The following WDR33 variants were observed in gnomAD, a reference collection of about 807,000 sequenced individuals.
WDR33 encodes WD repeat domain 33.
A neutral mutation model predicts 164.9 loss-of-function variants in WDR33; 47 were observed. The ratio of observed to expected loss-of-function variants is 0.29; its 90% CI spans 0.23 to 0.36. WDR33 has a LOEUF of 0.36. Ranked by LOEUF, WDR33 falls within the 10% of genes least tolerant of loss-of-function variation. WDR33 has a pLI of 1.00. For missense variants in WDR33, 1,137 were observed against 1,754.1 expected, an observed-to-expected ratio of 0.65 and a Z score of 6.28; for synonymous variants, 505 against 589.0, an observed-to-expected ratio of 0.86 and a Z score of 2.06.
intron 4 of WDR33, among the ~76,000 whole-genome samples, chr2:127,766,947 C>G (rs548358981): frequency 2.0e-5 from 3 of 152,036 alleles, no homozygotes; most frequent in African/African-American, 7.2e-5. Flanking sequence ...TTAGTAAACA[C>G]GAGGTTTCAT....
Position 127,726,620 on chromosome 2 carries a change from C to A in WDR33, c.851+31G>T, listed in dbSNP as rs1399933072. The A allele has an allele frequency of 4.3e-6, 7 of 1,611,408 alleles. No homozygotes were observed. Among genetic ancestry groups the A allele is most frequent in the Non-Finnish European group, 5.9e-6 (7 of 1,178,782 alleles). On this transcript the variant is annotated intron_variant, in intron 8 of 21. Transcript: ENST00000322313. This position sits in a 1 kb window ranked among gnomAD's most constrained non-coding sequence, Gnocchi z 4.8. ...ACACACTGCTTTGCTCCCCTTTGTT[C>A]AGGGGCCAAGGTGGGGTTCCTGTCA...
intron 1 of WDR33, among the ~76,000 whole-genome samples, chr2:127,774,048 CTTTTTTTTTTTT>C (rs776082351): frequency 3.6e-5 from 4 of 110,788 alleles, no homozygotes; most frequent in Non-Finnish European, 7.4e-5. Flanking sequence ...GCCCAAAAGC[CTTTTTTTTTTTT>C]TTTTTTTTTA....
rs1452639903 is a variant in WDR33, at chr2:127,717,174, T to C, written c.2850A>G (p.Gln950=). Residue 950 remains glutamine, a synonymous_variant, in exon 17 of 22, where the codon CAA becomes CAG. Transcript: ENST00000322313. The surrounding 1 kb of genome is among the most constrained non-coding windows in gnomAD (Gnocchi z 5.6). ...ATTTACCTTTGTTGGGGCCAGGTCC[T>C]TGTCCGGGGTTCAGAGGGGGAATGC... The part of the protein sequence containing the change: ...QGRIPPLNPG[Q]GPGPNKGDSR... 2 of 1,606,760 alleles carry C rather than the reference T, an allele frequency of 1.2e-6. No homozygotes were observed. The highest frequency in any genetic ancestry group is 1.7e-6 in the Non-Finnish European group (2 of 1,176,156).
chr2:127,736,585 T>C, intron 7 of WDR33: 1 of 985,462 alleles, frequency 1.0e-6, no homozygotes, highest in Non-Finnish European at 1.2e-6. Context: ...TGGTTTCTAT[T>C]GATTTGTACC....
At chr2:127,742,744 C>A (rs1687054231) in intron 7 of WDR33, among the ~76,000 whole-genome samples, 1 of 147,392 alleles carries the variant, frequency 6.8e-6, no homozygotes. Context: ...CAAGCAAAGA[C>A]AATGGAAACA....
intron 7 of WDR33, among the ~76,000 whole-genome samples, chr2:127,746,254 A>G (rs1687165326): frequency 6.6e-6 from 1 of 152,094 alleles, no homozygotes; most frequent in Non-Finnish European, 1.5e-5. Flanking sequence ...AACTTTATCA[A>G]TCACACTTCT....
At chr2:127,758,107 T>C (rs1463563051) in intron 7 of WDR33, among the ~76,000 whole-genome samples, 8 of 152,328 alleles carry the variant, frequency 5.3e-5, no homozygotes, top group African/African-American at 1.9e-4. Flanking sequence ...ATGTGTAGTG[T>C]GAACCAATAG....
rs990413208 is a variant in WDR33, at chr2:127,712,929, A to AT, written c.3308+653dup. 6.6e-6 allele frequency among the ~76,000 whole-genome samples: 1 copy of AT among 151,974 alleles called. No individual in the cohort carries two copies. ...ACCACCAAACCCAGCTAATTAAAAAATTTTTTTTGTAGAGATGGAGTTACA... is the reference window on the plus strand; with the variant it reads ...ACCACCAAACCCAGCTAATTAAAAAATTTTTTTTTGTAGAGATGGAGTTACA... On this transcript the variant is annotated intron_variant, in intron 18 of 21. Coordinates refer to ENST00000322313, the MANE Select transcript of WDR33 (RefSeq NM_018383.5). The surrounding 1 kb of genome is among the most constrained non-coding windows in gnomAD (Gnocchi z 4.0).
intron 1 of WDR33, among the ~76,000 whole-genome samples, chr2:127,779,103 A>C (rs1299700823): frequency 1.3e-5 from 2 of 152,048 alleles, no homozygotes; most frequent in African/African-American, 4.8e-5. Context: ...TCTTTAAACC[A>C]GAAATCACAT....
At chr2:127,807,086 C>A (rs551934032) in intron 1 of WDR33, among the ~76,000 whole-genome samples, 6 of 152,240 alleles carry the variant, frequency 3.9e-5, no homozygotes, top group African/African-American at 1.2e-4. Flanking sequence ...CTCACTGCAA[C>A]CTCCGCCTCC....
At chr2:127,807,853 A>G (rs952654473) in intron 1 of WDR33, among the ~76,000 whole-genome samples, 1 of 152,172 alleles carries the variant, frequency 6.6e-6, no homozygotes, top group African/African-American at 2.4e-5. Context: ...GACTCCCAAG[A>G]CTTTGAAAGG....
Position 127,721,950 on chromosome 2 carries a change from A to C in WDR33, c.1557T>G (p.Asn519Lys), listed in dbSNP as rs1686451650. The C allele has an allele frequency of 6.2e-7, 1 of 1,613,330 alleles. No individual in the cohort carries two copies. Among genetic ancestry groups the C allele is most frequent in the African/African-American group, 1.3e-5 (1 of 74,914 alleles). Residue 519 changes from asparagine to lysine, a missense_variant, in exon 15 of 22, where the codon AAT becomes AAG. Around this residue, in one of 9 missense-constraint regions of WDR33, gnomAD observed 75 missense variants for 124.7 expected, o/e 0.60. Transcript: ENST00000322313. This position sits in a 1 kb window ranked among gnomAD's most constrained non-coding sequence, Gnocchi z 4.9. ...MQNKVPIPAPNEVLNDRKEDI... is the reference protein window; with the variant it reads ...MQNKVPIPAPKEVLNDRKEDI... ...CTTCTTTTCTGTCATTCAGCACCTC[A>C]TTTGGAGCAGGAATTGGAACTTTAT... is the stretch of plus-strand genomic sequence containing the variant.
intron 18 of WDR33, among the ~76,000 whole-genome samples, chr2:127,711,778 A>ATTTTTTTTTTT (rs1375261650): frequency 4.3e-5 from 4 of 93,038 alleles, no homozygotes; most frequent in African/African-American, 1.2e-4. Context: ...ATATATATAT[A>ATTTTTTTTTTT]TATTTTTTTT....
Position 127,717,436 on chromosome 2 carries a change from T to A in WDR33, c.2761-173A>T, listed in dbSNP as rs1686328881. Reference sequence around the variant, plus strand: ...GGAGATACTTCTTTTACTATAATAATTTTTTTAAAGCACCTGTATTTTAAA... The same window carrying A: ...GGAGATACTTCTTTTACTATAATAAATTTTTTAAAGCACCTGTATTTTAAA... On this transcript the variant is annotated intron_variant, in intron 16 of 21. Transcript: ENST00000322313. This position sits in a 1 kb window ranked among gnomAD's most constrained non-coding sequence, Gnocchi z 5.6. Among the ~76,000 whole-genome samples, 2 of 152,192 alleles carry A rather than the reference T, an allele frequency of 1.3e-5. No individual in the cohort carries two copies. The highest frequency in any genetic ancestry group is 4.8e-5 in the African/African-American group (2 of 41,440).
At chr2:127,805,068 C>CTTT (rs201681607) in intron 1 of WDR33, among the ~76,000 whole-genome samples, 1,523 of 84,474 alleles carry the variant, frequency 0.018, 248 homozygotes, top group African/African-American at 0.062. Context: ...GAAGTTTTTT[C>CTTT]TTTTTTTTTT....
chr2:127,702,163 T>G lies in WDR33; in HGVS notation c.*4160A>C. On this transcript the variant is annotated 3_prime_UTR_variant, in exon 22 of 22. Transcript: ENST00000322313. ...GGCCGCGGCGCCGGCCTCGCCAAGGTGCTGCCCGTGTGAGGACCTCGCGCC... is the reference window on the plus strand; with the variant it reads ...GGCCGCGGCGCCGGCCTCGCCAAGGGGCTGCCCGTGTGAGGACCTCGCGCC... 8.2e-7 allele frequency: 1 copy of G among 1,214,452 alleles called. No homozygotes were observed. Among genetic ancestry groups the G allele is most frequent in the Non-Finnish European group, 1.0e-6 (1 of 976,970 alleles). The allele number at this position is 1,214,452 out of a possible 1,614,324, so 75.2% of individuals were successfully genotyped here. A position where few individuals can be genotyped will look rare whatever the true frequency, so the allele number is the denominator to read the frequency against.
rs991072837 is a variant in WDR33, at chr2:127,710,376, C to G, written c.3309-520G>C. Among the ~76,000 whole-genome samples the G allele has an allele frequency of 2.6e-5, 4 of 152,214 alleles. No individual in the cohort carries two copies. Among genetic ancestry groups the G allele is most frequent in the African/African-American group, 9.6e-5 (4 of 41,460 alleles). ...TAATCAGAAAAATGGGGGCACAGAT[C>G]GTGTCTGCCAACCATACTGGACCTG... On this transcript the variant is annotated intron_variant, in intron 18 of 21. Transcript: ENST00000322313. This position sits in a 1 kb window ranked among gnomAD's most constrained non-coding sequence, Gnocchi z 4.4.
intron 7 of WDR33, among the ~76,000 whole-genome samples, chr2:127,752,200 T>A (rs527363836): frequency 4.5e-4 from 68 of 152,326 alleles, no homozygotes; most frequent in African/African-American, 1.3e-3. Flanking sequence ...TCCTTATCAC[T>A]AAATGGAGTT....
chr2:127,709,389 G>A lies in WDR33; in HGVS notation c.3565+101C>T, dbSNP rs1325037316. The A allele has an allele frequency of 2.3e-5, 26 of 1,135,912 alleles. No homozygotes were observed. The highest frequency in any genetic ancestry group is 1.3e-6 in the Non-Finnish European group (1 of 762,904). The allele number at this position is 1,135,912 out of a possible 1,614,324, so 70.4% of individuals were successfully genotyped here. On this transcript the variant is annotated intron_variant, in intron 20 of 21. Transcript: ENST00000322313. The surrounding 1 kb of genome is among the most constrained non-coding windows in gnomAD (Gnocchi z 5.0). ...GACAGCCCAGCCCCCCGGGAGACAT[G>A]AGCTGGAAAGAGGAGACCCGGTGCA... is the stretch of plus-strand genomic sequence containing the variant.
Sources: gnomAD v4.1 joint callset for allele counts (sites outside exome capture counted in the v4.1 genomes callset) on GRCh38, gnomAD v4.1.1 for gene constraint, gnomAD v4.1.1 regional missense constraint, Gnocchi (gnomAD v3.1) non-coding constraint, MANE v1.5 for transcripts, NCBI Gene and HGNC (gene_info 2026-07-23, HGNC 2026-07-21) for gene names.